Variants in PRKCA observed in about 807,000 individuals in gnomAD.
PRKCA encodes the protein protein kinase C alpha type.
A neutral mutation model predicts 87.0 loss-of-function variants in PRKCA; 27 were observed. The observed-to-expected ratio is 0.31, with a 90% CI of 0.23 to 0.43. The LOEUF (loss-of-function observed/expected upper bound fraction) is 0.43. PRKCA is among the 20% of genes least tolerant of loss of function. The pLI is 1.00. For missense variants in PRKCA, 518 were observed against 852.3 expected, an observed-to-expected ratio of 0.61 and a Z score of 4.88; for synonymous variants, 329 against 311.1, an observed-to-expected ratio of 1.06 and a Z score of -0.61.
At chr17:66,349,238 T>G (rs989776750) in intron 2 of PRKCA, among the ~76,000 whole-genome samples, 1 of 152,246 alleles carries the variant, frequency 6.6e-6, no homozygotes, top group Non-Finnish European at 1.5e-5. Flanking sequence ...TTATTTTTGC[T>G]TTCCATGTAA....
intron 2 of PRKCA, among the ~76,000 whole-genome samples, chr17:66,404,732 G>A (rs1255368307): frequency 1.5e-5 from 2 of 135,560 alleles, no homozygotes; most frequent in South Asian, 5.2e-4. Context: ...TGCTGGAAAG[G>A]ATGGTAGGCC....
intron 3 of PRKCA, among the ~76,000 whole-genome samples, chr17:66,587,799 GTA>G (rs1567917050): frequency 9.2e-6 from 1 of 108,658 alleles, no homozygotes; most frequent in African/African-American, 3.4e-5. Flanking sequence ...ACATATATAC[GTA>G]TATGTGTGTG....
At chr17:66,606,452 G>A (rs1334375438) in intron 3 of PRKCA, among the ~76,000 whole-genome samples, 1 of 152,120 alleles carries the variant, frequency 6.6e-6, no homozygotes, top group African/African-American at 2.4e-5. Context: ...CATTAAAGAA[G>A]TCTGAAAGAG....
intron 2 of PRKCA, chr17:66,339,645 C>G: frequency 6.6e-6 from 1 of 152,150 alleles, no homozygotes; most frequent in Non-Finnish European, 1.5e-5. Flanking sequence ...AGAAATATAA[C>G]AGCTGTTTTG....
At chr17:66,772,297 C>A (rs1277965461) in intron 13 of PRKCA, among the ~76,000 whole-genome samples, 1 of 152,150 alleles carries the variant, frequency 6.6e-6, no homozygotes, top group African/African-American at 2.4e-5. Flanking sequence ...ATGTTTATAT[C>A]ATTTTCTTGT....
intron 4 of PRKCA, among the ~76,000 whole-genome samples, chr17:66,643,576 T>A (rs184549537): frequency 2.7e-4 from 41 of 152,370 alleles, no homozygotes; most frequent in Non-Finnish European, 5.1e-4. Context: ...CAAAATGGTT[T>A]CCTTACTAAA....
intron 2 of PRKCA, among the ~76,000 whole-genome samples, chr17:66,368,454 G>A (rs1445465306): frequency 1.5e-5 from 2 of 132,794 alleles, no homozygotes; most frequent in South Asian, 2.5e-4. Flanking sequence ...GCAGTGGTGC[G>A]ATCTCGACTC....
chr17:66,605,650 G>C (rs1002414798), intron 3 of PRKCA, among the ~76,000 whole-genome samples: 4 of 152,184 alleles, frequency 2.6e-5, no homozygotes, highest in Non-Finnish European at 5.9e-5. Flanking sequence ...TACAAGAAGG[G>C]TCATAGCAGC....
In PRKCA at chr17:66,531,339, C is replaced by T. The variant is rs1967531777; in HGVS notation, c.288+35056C>T. 2.6e-5 allele frequency among the ~76,000 whole-genome samples: 4 copies of T among 152,312 alleles called. No homozygotes were observed. The South Asian group carries it at 8.3e-4, about 32-fold the overall frequency. ...TTAGCCCTGCCTGAACTGCAGAGTC[C>T]TCCGAGGAGCTTTCAAATGAAGCAT... On this transcript the variant is annotated intron_variant, in intron 3 of 16. Coordinates refer to ENST00000413366, the MANE Select transcript of PRKCA (RefSeq NM_002737.3).
At chr17:66,562,119 TAA>T (rs1968713598) in intron 3 of PRKCA, among the ~76,000 whole-genome samples, 2 of 100,688 alleles carry the variant, frequency 2.0e-5, no homozygotes, top group Non-Finnish European at 1.9e-5. Flanking sequence ...TATATATAAT[TAA>T]ATATATATAA....
At chr17:66,559,462 G>A (rs1012707213) in intron 3 of PRKCA, among the ~76,000 whole-genome samples, 2 of 119,412 alleles carry the variant, frequency 1.7e-5, no homozygotes, top group Non-Finnish European at 3.3e-5. Context: ...GCGCAACAGA[G>A]TGAGTCTCTG....
intron 5 of PRKCA, among the ~76,000 whole-genome samples, chr17:66,647,826 C>G (rs1971495893): frequency 6.6e-6 from 1 of 152,144 alleles, no homozygotes; most frequent in African/African-American, 2.4e-5. Flanking sequence ...GCCAGTATTG[C>G]TTATGCCAAC....
At chr17:66,409,015 G>A (rs370969144) in intron 2 of PRKCA, among the ~76,000 whole-genome samples, 4 of 112,796 alleles carry the variant, frequency 3.5e-5, no homozygotes, top group Admixed American at 1.2e-4. Context: ...TCACGTCATC[G>A]CACTCCCTCC....
At chr17:66,382,272 G>A (rs972518041) in intron 2 of PRKCA, among the ~76,000 whole-genome samples, 5 of 152,088 alleles carry the variant, frequency 3.3e-5, no homozygotes, top group African/African-American at 9.7e-5. Flanking sequence ...TTAGTTTTGA[G>A]TAAAGAGATA....
intron 3 of PRKCA, among the ~76,000 whole-genome samples, chr17:66,636,079 C>A (rs573602632): frequency 6.6e-6 from 1 of 152,140 alleles, no homozygotes; most frequent in Non-Finnish European, 1.5e-5. Context: ...CACCACCTGA[C>A]GTTTTAAAAA....
At chr17:66,764,700 G>A (rs770382391) in intron 13 of PRKCA, among the ~76,000 whole-genome samples, 12 of 152,220 alleles carry the variant, frequency 7.9e-5, no homozygotes, top group African/African-American at 2.2e-4. Flanking sequence ...AGGGAAATCC[G>A]CCAGCTCTAG....
chr17:66,606,245 G>T (rs1970206439), intron 3 of PRKCA, among the ~76,000 whole-genome samples: 1 of 152,042 alleles, frequency 6.6e-6, no homozygotes, highest in African/African-American at 2.4e-5. Flanking sequence ...AAAATTAGCT[G>T]GGTGTGGTGG....
chr17:66,373,079 G>A (rs903544331), intron 2 of PRKCA, among the ~76,000 whole-genome samples: 3 of 151,968 alleles, frequency 2.0e-5, no homozygotes, highest in African/African-American at 7.3e-5. Context: ...GGAACAAAGG[G>A]AGAGAGATTG....
intron 3 of PRKCA, among the ~76,000 whole-genome samples, chr17:66,520,145 T>C (rs931273857): frequency 3.0e-5 from 4 of 135,232 alleles, no homozygotes; most frequent in Admixed American, 7.4e-5. Flanking sequence ...TTTTTTTTTT[T>C]AGACAGAGTC....
Sources: allele counts gnomAD v4.1 joint callset (sites outside exome capture counted in the v4.1 genomes callset), GRCh38; gene constraint gnomAD v4.1.1; transcripts MANE v1.5; gene names NCBI Gene and HGNC (gene_info 2026-07-23, HGNC 2026-07-21).